The following PACSIN1 variants were observed in gnomAD, a reference collection of about 807,000 sequenced individuals.
PACSIN1 encodes the protein protein kinase C and casein kinase substrate in neurons 1, also known as protein kinase C and casein kinase substrate in neurons protein 1.
Under a neutral mutation model 59.5 loss-of-function variants are expected in PACSIN1, and 15 were observed. The observed-to-expected ratio is 0.25, with a 90% confidence interval of 0.17 to 0.39. The LOEUF is 0.39. Among genes scored for constraint, PACSIN1 ranks in the 10% least tolerant of loss-of-function variants. PACSIN1 has a pLI of 1.00. For synonymous variants in PACSIN1, 210 were observed against 220.6 expected (o/e 0.95, Z 0.42); for missense variants, 420 against 580.2 (o/e 0.72, Z 2.84).
At chr6:34,492,391 A>AT (rs151103055) in intron 1 of PACSIN1, among the ~76,000 whole-genome samples, 13,173 of 137,796 alleles carry the variant, frequency 0.096, 613 homozygotes, top group Middle Eastern at 0.11. Context: ...ATTTATTTTT[A>AT]TTTTTTTTTG....
intron 3 of PACSIN1, chr6:34,527,698 C>A (rs918475308): frequency 4.5e-5 from 17 of 380,528 alleles, no homozygotes; most frequent in African/African-American, 1.9e-4. Context: ...AAAAAAAAAA[C>A]ACTTTTTATC....
chr6:34,512,108 G>T (rs542936319), intron 1 of PACSIN1, among the ~76,000 whole-genome samples: 1 of 152,072 alleles, frequency 6.6e-6, no homozygotes, highest in South Asian at 2.1e-4. Flanking sequence ...TGATGTAGGG[G>T]GTGTCCCTGT....
chr6:34,496,941 CTT>C (rs11464603), intron 1 of PACSIN1, among the ~76,000 whole-genome samples: 45 of 100,830 alleles, frequency 4.5e-4, no homozygotes, highest in Middle Eastern at 8.8e-3. Context: ...CTCTCTCTCT[CTT>C]TTTTTTTTTT....
chr6:34,491,386 C>T (rs1483044545), intron 1 of PACSIN1, among the ~76,000 whole-genome samples: 1 of 152,130 alleles, frequency 6.6e-6, no homozygotes, highest in Non-Finnish European at 1.5e-5. Flanking sequence ...CTGCTACCTG[C>T]TGGGTTCCAG....
At position 34,521,903 on chromosome 6, in the gene PACSIN1, G is replaced by T. The variant is rs1453405405; in HGVS notation, c.-63-4340G>T. On this transcript the variant is annotated intron_variant, in intron 1 of 9. Transcript: ENST00000244458. The surrounding 1 kb of genome is among the most constrained non-coding windows in gnomAD (Gnocchi z 4.3). ...GGTCTCACAGCCCATACATGAGAGA[G>T]CCAGGGTTTGAATCCAGATTATTTG... Among the ~76,000 whole-genome samples the T allele has an allele frequency of 2.6e-5, 4 of 152,158 alleles. No homozygotes were observed. Among genetic ancestry groups the T allele is most frequent in the Non-Finnish European group, 4.4e-5 (3 of 68,022 alleles).
At chr6:34,520,299 T>C (rs1011170345) in intron 1 of PACSIN1, among the ~76,000 whole-genome samples, 1 of 152,006 alleles carries the variant, frequency 6.6e-6, no homozygotes, top group Non-Finnish European at 1.5e-5. Context: ...GAGGAGTGGG[T>C]TGGGGGGCAC....
chr6:34,526,781 G>C (rs961781345), intron 2 of PACSIN1, among the ~76,000 whole-genome samples: 4 of 152,194 alleles, frequency 2.6e-5, no homozygotes, highest in African/African-American at 9.7e-5. Context: ...GCCGCAGAGC[G>C]GGAGGCACAG....
Position 34,529,832 on chromosome 6 carries a change from A to G in PACSIN1, c.779A>G (p.Glu260Gly). Residue 260 changes from glutamate (E) to glycine (G), a missense_variant, in exon 6 of 10, where the codon GAG (glutamate) becomes GGG (glycine). Glu to Gly is a moderately conservative substitution (Grantham distance 98). Transcript: ENST00000244458. This position sits in a 1 kb window ranked among gnomAD's most constrained non-coding sequence, Gnocchi z 6.3. ...LDIKRHLNLA[E>G]NSSYIHVYRE... The stretch of plus-strand genomic sequence containing the variant: ...ATCAAACGGCACCTCAACCTGGCTG[A>G]GAACAGCAGGTACCTGGGCATGGCA... The G allele has an allele frequency of 6.2e-7, 1 of 1,613,544 alleles. No homozygotes were observed. The highest frequency in any genetic ancestry group is 8.5e-7 in the Non-Finnish European group (1 of 1,179,772).
chr6:34,523,296 A>T (rs145679605), intron 1 of PACSIN1, among the ~76,000 whole-genome samples: 1 of 152,212 alleles, frequency 6.6e-6, no homozygotes, highest in South Asian at 2.1e-4. Flanking sequence ...GCCTTAAATC[A>T]TAAGATCACA....
intron 1 of PACSIN1, among the ~76,000 whole-genome samples, chr6:34,478,352 C>CCGA (rs1380752578): frequency 6.8e-6 from 1 of 148,064 alleles, no homozygotes; most frequent in Non-Finnish European, 1.5e-5. Context: ...AGCCACCACG[C>CCGA]CGAGCCTATT....
chr6:34,472,226 C>T (rs545278234), intron 1 of PACSIN1, among the ~76,000 whole-genome samples: 7 of 125,356 alleles, frequency 5.6e-5, no homozygotes, highest in African/African-American at 1.2e-4. Flanking sequence ...GAGCCGAGAT[C>T]GGGCCACTGC....
intron 1 of PACSIN1, among the ~76,000 whole-genome samples, chr6:34,490,247 T>TTTTTA (rs397973176): frequency 7.0e-6 from 1 of 142,108 alleles, no homozygotes; most frequent in African/African-American, 2.6e-5. Flanking sequence ...TTTTTTTTTT[T>TTTTTA]GTAGAGACAG....
At chr6:34,505,082 C>T (rs929073787) in intron 1 of PACSIN1, among the ~76,000 whole-genome samples, 1 of 151,912 alleles carries the variant, frequency 6.6e-6, no homozygotes, top group African/African-American at 2.4e-5. Flanking sequence ...AGCTCTTGGG[C>T]TCAAGTAATC....
intron 1 of PACSIN1, among the ~76,000 whole-genome samples, chr6:34,509,277 C>T (rs371064784): frequency 2.0e-5 from 3 of 152,170 alleles, no homozygotes; most frequent in African/African-American, 4.8e-5. Flanking sequence ...AACTATCCTT[C>T]GTATCATTTC....
chr6:34,470,245 C>T (rs193212336), intron 1 of PACSIN1, among the ~76,000 whole-genome samples: 2,231 of 152,138 alleles, frequency 0.015, 43 homozygotes, highest in African/African-American at 0.042. Context: ...TGCAGTGGCG[C>T]GATCTTGGCT....
At chr6:34,493,200 T>A (rs1400366409) in intron 1 of PACSIN1, among the ~76,000 whole-genome samples, 1 of 152,200 alleles carries the variant, frequency 6.6e-6, no homozygotes, top group African/African-American at 2.4e-5. Context: ...ACTCTCAGAA[T>A]TGTCAGCAGT....
Position 34,529,392 on chromosome 6 carries a change from C to T in PACSIN1, c.457-5C>T. 1 of 1,614,066 alleles carries T rather than the reference C, an allele frequency of 6.2e-7. No homozygotes were observed. Among genetic ancestry groups the T allele is most frequent in the Non-Finnish European group, 8.5e-7 (1 of 1,180,020 alleles). The stretch of plus-strand genomic sequence containing the variant: ...ACCCTACTCCCTATTCCCCCCTCCC[C>T]ACAGCTGGAGGCAGCCAAGAAGGCC... On this transcript the variant is annotated splice_region_variant and splice_polypyrimidine_tract_variant and intron_variant, in intron 4 of 9. Coordinates refer to ENST00000244458, the MANE Select transcript of PACSIN1 (RefSeq NM_020804.5). This position sits in a 1 kb window ranked among gnomAD's most constrained non-coding sequence, Gnocchi z 6.3.
intron 1 of PACSIN1, among the ~76,000 whole-genome samples, chr6:34,478,622 C>T (rs968646044): frequency 3.3e-5 from 5 of 152,106 alleles, no homozygotes; most frequent in East Asian, 3.9e-4. Flanking sequence ...CCTCCTGCCT[C>T]GGCCTCCCGA....
At chr6:34,468,513 C>T (rs1327820325) in intron 1 of PACSIN1, among the ~76,000 whole-genome samples, 1 of 152,242 alleles carries the variant, frequency 6.6e-6, no homozygotes, top group African/African-American at 2.4e-5. Flanking sequence ...TTCCCACACC[C>T]AGGCTGACTC....
Sources: gnomAD v4.1 joint callset for allele counts (sites outside exome capture counted in the v4.1 genomes callset) on GRCh38, gnomAD v4.1.1 for gene constraint, Gnocchi (gnomAD v3.1) non-coding constraint, MANE v1.5 for transcripts, NCBI Gene and HGNC (gene_info 2026-07-23, HGNC 2026-07-21) for gene names.